TNK2: variants seen among roughly 807,000 people sequenced by gnomAD.
The protein encoded by TNK2 is activated CDC42 kinase 1.
Under a neutral mutation model 101.8 loss-of-function variants are expected in TNK2, and 83 were observed. The observed-to-expected ratio is 0.82, with a 90% CI of 0.68 to 0.98. The LOEUF (loss-of-function observed/expected upper bound fraction) is 0.98. Ranked by LOEUF, TNK2 falls within the 50% of genes least tolerant of loss-of-function variation. The pLI, the probability that TNK2 is intolerant of heterozygous loss-of-function variation, is 0.00. For missense variants in TNK2, 1,665 were observed against 1,483.2 expected, an observed-to-expected ratio of 1.12 and a Z score of -2.01; for synonymous variants, 804 against 633.0, an observed-to-expected ratio of 1.27 and a Z score of -4.06.
At chr3:195,901,531 G>A (rs896410064) in intron 1 of TNK2, among the ~76,000 whole-genome samples, 4 of 150,918 alleles carry the variant, frequency 2.7e-5, no homozygotes, top group Non-Finnish European at 5.9e-5. Flanking sequence ...TGCTGAGGAG[G>A]AAGAGAGGGA....
In TNK2 at chr3:195,884,824, G is replaced by A. The variant is rs545874058; in HGVS notation, c.444C>T (p.Pro148=). Residue 148 remains proline, a synonymous_variant, in exon 4 of 16, where the codon CCC becomes CCT. Coordinates refer to ENST00000672887, the MANE Select transcript of TNK2 (RefSeq NM_001382273.1). ...ACAGAGAGCTCACCGTCTTCCCTGA[G>A]GGCGCGTCCCACTCGCCCCTGCGCA... is the stretch of plus-strand genomic sequence containing the variant. ...GVVRRGEWDA[P]SGKTVSVAVK... The A allele has an allele frequency of 6.2e-7, 1 of 1,611,126 alleles. No homozygotes were observed. The highest frequency in any genetic ancestry group is 8.5e-7 in the Non-Finnish European group (1 of 1,179,526).
Position 195,872,644 on chromosome 3 carries a change from G to C in TNK2, c.1257-174C>G, listed in dbSNP as rs906803872. The stretch of plus-strand genomic sequence containing the variant: ...CAGCCCCCGTGACCCACCATGCCCC[G>C]TACAGGCCTGTTTGCACACGGCCTT... On this transcript the variant is annotated intron_variant, in intron 9 of 15. Transcript: ENST00000672887. The C allele has an allele frequency of 6.2e-6, 4 of 641,456 alleles. No homozygotes were observed. The African/African-American group carries it at 7.4e-5, about 12-fold the overall frequency. 39.7% of individuals were successfully genotyped at this position (641,456 alleles called of 1,614,324 possible).
intron 1 of TNK2, among the ~76,000 whole-genome samples, chr3:195,893,952 A>G (rs1759595737): frequency 6.6e-6 from 1 of 152,160 alleles, no homozygotes; most frequent in African/African-American, 2.4e-5. Context: ...GGGGAGAAGG[A>G]CACCCCCAAC....
rs141404332 is a variant in TNK2, at chr3:195,878,463, G to T, written c.1144C>A (p.Arg382=). 6.2e-7 allele frequency: 1 copy of T among 1,613,948 alleles called. No homozygotes were observed. The highest frequency in any genetic ancestry group is 1.1e-5 in the South Asian group (1 of 91,080). ...TCCCTCACCTCCAGCAGGAAGTCCC[G>T]CAGGGCCACAAACGTGGGTCTGTCC... ...PEDRPTFVAL[R]DFLLEAQPTD... The change falls in exon 8 of 16, where the codon CGG becomes AGG. Residue 382 remains arginine, a synonymous_variant. Transcript: ENST00000672887. The surrounding 1 kb of genome is among the most constrained non-coding windows in gnomAD (Gnocchi z 4.7).
chr3:195,886,404 C>T lies in TNK2; in HGVS notation c.234+573G>A, dbSNP rs1755610342. ...AGTGGGGAGGAAAGACCACGGCTGGCTCACTTCCTCTCTCATTGTCTTCCA... is the reference window on the plus strand; with the variant it reads ...AGTGGGGAGGAAAGACCACGGCTGGTTCACTTCCTCTCTCATTGTCTTCCA... On this transcript the variant is annotated intron_variant, in intron 3 of 15. Coordinates refer to ENST00000672887, the MANE Select transcript of TNK2 (RefSeq NM_001382273.1). The surrounding 1 kb of genome is among the most constrained non-coding windows in gnomAD (Gnocchi z 4.2). 1 of 152,836 alleles carries T rather than the reference C, an allele frequency of 6.5e-6. No individual in the cohort carries two copies. The highest frequency in any genetic ancestry group is 1.5e-5 in the Non-Finnish European group (1 of 68,560). 9.5% of individuals were successfully genotyped at this position (152,836 alleles called of 1,614,324 possible). A position where few individuals can be genotyped will look rare whatever the true frequency, so the allele number is the denominator to read the frequency against.
chr3:195,889,462 C>A (rs140753891), intron 1 of TNK2, among the ~76,000 whole-genome samples: 71 of 151,894 alleles, frequency 4.7e-4, no homozygotes, highest in African/African-American at 1.7e-3. Context: ...CCACCCGGCT[C>A]CCCAGGAGTT....
intron 1 of TNK2, among the ~76,000 whole-genome samples, chr3:195,890,593 G>A (rs1447592498): frequency 3.3e-5 from 5 of 151,808 alleles, no homozygotes; most frequent in African/African-American, 1.2e-4. Flanking sequence ...TGGGATCACA[G>A]GCGCCCGGCT....
intron 10 of TNK2, 194 bp from the exon 11 acceptor site, chr3:195,870,399 G>T: frequency 6.9e-7 from 1 of 1,447,170 alleles, no homozygotes; most frequent in African/African-American, 1.4e-5. Context: ...GGCAGAGAAA[G>T]GACACCTGAC....
chr3:195,902,986 G>A (rs910487003), intron 1 of TNK2, among the ~76,000 whole-genome samples: 2 of 150,232 alleles, frequency 1.3e-5, no homozygotes, highest in Non-Finnish European at 2.9e-5. Flanking sequence ...GTGACCTCAG[G>A]TGATCCACCC....
intron 1 of TNK2, chr3:195,894,608 C>T (rs1253577877): frequency 6.6e-6 from 1 of 152,006 alleles, no homozygotes; most frequent in Admixed American, 6.6e-5. Context: ...TTCCTGACCT[C>T]AGCGTCCTCG....
At chr3:195,900,353 A>T (rs1044278581) in intron 1 of TNK2, among the ~76,000 whole-genome samples, 2 of 152,054 alleles carry the variant, frequency 1.3e-5, no homozygotes, top group African/African-American at 4.8e-5. Context: ...CTCCAACTCC[A>T]GTGGAGAAGG....
intron 6 of TNK2, among the ~76,000 whole-genome samples, chr3:195,880,035 G>C (rs547473703): frequency 6.6e-6 from 1 of 152,238 alleles, no homozygotes; most frequent in East Asian, 1.9e-4. Context: ...AGATGACCAT[G>C]CGTCCTGGAT....
chr3:195,895,402 C>CCG, intron 1 of TNK2: 8 of 1,533,652 alleles, frequency 5.2e-6, no homozygotes, highest in Non-Finnish European at 7.0e-6. Context: ...TCCTGGGGGG[C>CCG]CGGGCCTCGA....
At chr3:195,904,920 T>A (rs993254646) in intron 1 of TNK2, among the ~76,000 whole-genome samples, 2 of 152,156 alleles carry the variant, frequency 1.3e-5, no homozygotes, top group Non-Finnish European at 2.9e-5. Flanking sequence ...ACCGATCAAT[T>A]CTCCCCAAAT....
chr3:195,892,458 C>G, intron 1 of TNK2: 1 of 1,535,560 alleles, frequency 6.5e-7, no homozygotes, highest in Non-Finnish European at 8.7e-7. Context: ...AAGGAGAGCT[C>G]CAGGCCAGGG....
At chr3:195,869,723 C>A (rs182599822) in intron 11 of TNK2, 182 bp from the exon 12 acceptor site, 3 of 664,194 alleles carry the variant, frequency 4.5e-6, no homozygotes, top group Non-Finnish European at 8.1e-6. Flanking sequence ...AGGAACACGG[C>A]GGTCCAGTAT....
At chr3:195,891,126 AATAAC>A (rs1758265319) in intron 1 of TNK2, among the ~76,000 whole-genome samples, 1 of 152,262 alleles carries the variant, frequency 6.6e-6, no homozygotes, top group African/African-American at 2.4e-5. Context: ...TAACAATAAA[AATAAC>A]ATCTAGGCCA....
At chr3:195,898,950 G>C (rs1328875695) in intron 1 of TNK2, among the ~76,000 whole-genome samples, 1 of 152,086 alleles carries the variant, frequency 6.6e-6, no homozygotes, top group Non-Finnish European at 1.5e-5. Flanking sequence ...ATAAAAATTA[G>C]CCGGGCGTGG....
intron 1 of TNK2, among the ~76,000 whole-genome samples, chr3:195,890,727 C>T (rs994674060): frequency 6.6e-6 from 1 of 152,090 alleles, no homozygotes; most frequent in African/African-American, 2.4e-5. Context: ...TGCTCCTGGC[C>T]TTACAGTTTT....
Sources: gnomAD v4.1 joint callset for allele counts (sites outside exome capture counted in the v4.1 genomes callset) on GRCh38, gnomAD v4.1.1 for gene constraint, Gnocchi (gnomAD v3.1) non-coding constraint, MANE v1.5 for transcripts, NCBI Gene and HGNC (gene_info 2026-07-23, HGNC 2026-07-21) for gene names.